Variants in HPSE2 observed in about 807,000 individuals in gnomAD.
HPSE2 encodes heparanase 2 (inactive).
A neutral mutation model predicts 60.5 loss-of-function variants in HPSE2; 38 were observed. The ratio of observed to expected loss-of-function variants is 0.63; its 90% CI spans 0.48 to 0.82. The LOEUF is 0.82. Among genes scored for constraint, HPSE2 ranks in the 40% least tolerant of loss-of-function variants. HPSE2 has a pLI of 0.00. For missense variants in HPSE2, 713 were observed against 740.4 expected (o/e 0.96, Z 0.43); for synonymous variants, 295 against 293.2 (o/e 1.01, Z -0.06).
At position 99,132,187 on chromosome 10, in the gene HPSE2, A is replaced by G. The variant is rs1316708150; in HGVS notation, c.610+12051T>C. Among the ~76,000 whole-genome samples, 235 of 24,084 alleles carry G rather than the reference A, an allele frequency of 9.8e-3. 12 individuals carry two copies. The highest frequency in any genetic ancestry group is 0.019 in the African/African-American group (183 of 9,782). The allele number at this position is 24,084 out of a possible 152,430, so 15.8% of individuals were successfully genotyped here. ...AAAGAAAGAAAGAAAGAAAGAAAGA[A>G]AGAAAGAGAGAGAGAGAGAGAGAGA... On this transcript the variant is annotated intron_variant, in intron 3 of 11. Coordinates refer to ENST00000370552, the MANE Select transcript of HPSE2 (RefSeq NM_021828.5).
chr10:99,009,117 G>A (rs557447336), intron 3 of HPSE2, among the ~76,000 whole-genome samples: 11 of 151,804 alleles, frequency 7.2e-5, no homozygotes, highest in African/African-American at 2.4e-4. Context: ...TATTAAAAGA[G>A]AACTGAGGCC....
rs1168204162 is a variant in HPSE2 at position 98,459,752 on chromosome 10, A to C, written c.1614-13T>G. The C allele has an allele frequency of 6.2e-7, 1 of 1,610,506 alleles. No individual in the cohort carries two copies. The highest frequency in any genetic ancestry group is 8.5e-7 in the Non-Finnish European group (1 of 1,178,140). On this transcript the variant is annotated splice_polypyrimidine_tract_variant and intron_variant, in intron 11 of 11. Transcript: ENST00000370552. ...CAGTTGCACTGACCTACAGTGAGGA[A>C]AAACAGTATGGGACTCATTATTGCA...
chr10:99,148,813 CAATCAATCAAT>C (rs1357138008), intron 2 of HPSE2, among the ~76,000 whole-genome samples: 20 of 151,740 alleles, frequency 1.3e-4, no homozygotes, highest in African/African-American at 4.8e-4. Context: ...ATCAATCAAT[CAATCAATCAAT>C]AAAATAGTTG....
chr10:98,594,172 T>G (rs1054952293), intron 9 of HPSE2, among the ~76,000 whole-genome samples: 1 of 152,090 alleles, frequency 6.6e-6, no homozygotes, highest in Non-Finnish European at 1.5e-5. Flanking sequence ...CACAAATATA[T>G]TCTTAGTGAT....
chr10:98,464,338 G>A (rs1348043390), intron 11 of HPSE2, among the ~76,000 whole-genome samples: 1 of 152,168 alleles, frequency 6.6e-6, no homozygotes, highest in Non-Finnish European at 1.5e-5. Context: ...GAACCCACAT[G>A]CTTGAAGAGG....
chr10:99,117,885 A>G (rs1454172438), intron 3 of HPSE2, among the ~76,000 whole-genome samples: 3 of 152,208 alleles, frequency 2.0e-5, no homozygotes, highest in African/African-American at 7.2e-5. Context: ...GATCATCCTG[A>G]TGCCAAAACA....
rs546227334 is a variant in HPSE2 at position 98,647,720 on chromosome 10, G to C, written c.1005-5780C>G. Among the ~76,000 whole-genome samples the C allele has an allele frequency of 1.3e-3, 198 of 152,340 alleles. 2 individuals are homozygous for C. Among genetic ancestry groups the C allele is most frequent in the Admixed American group, 2.9e-3 (45 of 15,300 alleles). On this transcript the variant is annotated intron_variant, in intron 6 of 11. Transcript: ENST00000370552. ...AAGGCCCTCAGCCTGGGCTCCTGCTGAGCACTTGCCATTAAGCTTTTCTTC... is the reference window on the plus strand; with the variant it reads ...AAGGCCCTCAGCCTGGGCTCCTGCTCAGCACTTGCCATTAAGCTTTTCTTC...
chr10:98,800,133 T>C (rs896787080), intron 3 of HPSE2, among the ~76,000 whole-genome samples: 2 of 151,832 alleles, frequency 1.3e-5, no homozygotes, highest in African/African-American at 4.8e-5. Context: ...TTCAGGAGGC[T>C]GTGGTGGGCA....
chr10:99,071,070 T>G (rs981391806), intron 3 of HPSE2, among the ~76,000 whole-genome samples: 1 of 129,034 alleles, frequency 7.7e-6, no homozygotes. Context: ...TTTTTAATTC[T>G]TTTTTTTTTT....
the HPSE2 span, among the ~76,000 whole-genome samples, chr10:99,305,979 GCACACACA>G: frequency 1.6e-4 from 13 of 80,578 alleles, no homozygotes; most frequent in African/African-American, 1.1e-4. Context: ...GCGCGCGCGC[GCACACACA>G]CACACACACA....
chr10:98,707,737 T>C (rs2134210286), intron 5 of HPSE2, among the ~76,000 whole-genome samples: 1 of 152,268 alleles, frequency 6.6e-6, no homozygotes, highest in South Asian at 2.1e-4. Context: ...ACCATGATCC[T>C]ACAGAGGAAA....
intron 2 of HPSE2, among the ~76,000 whole-genome samples, chr10:99,200,450 G>A (rs1470879947): frequency 6.6e-6 from 1 of 151,968 alleles, no homozygotes; most frequent in East Asian, 1.9e-4. Context: ...TAGAGATTTG[G>A]GGTCAAGTGA....
intron 3 of HPSE2, among the ~76,000 whole-genome samples, chr10:98,838,805 G>A (rs1180507636): frequency 2.6e-5 from 4 of 152,134 alleles, no homozygotes; most frequent in Admixed American, 2.0e-4. Flanking sequence ...AATGTGGGAA[G>A]TTGTCCATTT....
At position 98,630,513 on chromosome 10, in the gene HPSE2, C is replaced by T. The variant is rs372748398; in HGVS notation, c.1099-9805G>A. Among the ~76,000 whole-genome samples, 12 of 151,956 alleles carry T rather than the reference C, an allele frequency of 7.9e-5. No homozygotes were observed. In the South Asian group the frequency reaches 1.5e-3, roughly 18 times the overall value. On this transcript the variant is annotated intron_variant, in intron 7 of 11. Transcript: ENST00000370552. ...CGCCCGGCCGTAATAGTTTTTTTAC[C>T]GATTACCTTTCCCCTGCTCACTTCT...
intron 3 of HPSE2, among the ~76,000 whole-genome samples, chr10:98,960,746 T>TTTTTA (rs1955653392): frequency 7.7e-6 from 1 of 129,860 alleles, no homozygotes; most frequent in African/African-American, 2.8e-5. Flanking sequence ...TTTTATTTTT[T>TTTTTA]TTTTTATTAT....
chr10:98,796,744 A>C (rs1305827300), intron 3 of HPSE2, among the ~76,000 whole-genome samples: 1 of 152,188 alleles, frequency 6.6e-6, no homozygotes, highest in Middle Eastern at 3.2e-3. Flanking sequence ...ATAGCATCAG[A>C]TCTAAGCCAG....
At chr10:98,759,891 C>T (rs1229754166) in intron 3 of HPSE2, among the ~76,000 whole-genome samples, 1 of 152,026 alleles carries the variant, frequency 6.6e-6, no homozygotes, top group Non-Finnish European at 1.5e-5. Flanking sequence ...GTAGTAGAGA[C>T]ATTTTAACAA....
the HPSE2 span, among the ~76,000 whole-genome samples, chr10:99,257,937 C>T: frequency 1.3e-5 from 2 of 152,148 alleles, no homozygotes; most frequent in African/African-American, 2.4e-5. Flanking sequence ...AAAGAACCTA[C>T]GTGACTATCG....
At chr10:99,303,373 C>T in the HPSE2 span, among the ~76,000 whole-genome samples, 1 of 152,096 alleles carries the variant, frequency 6.6e-6, no homozygotes, top group East Asian at 1.9e-4. Context: ...ATAGAATGAG[C>T]ACCCATATTA....
Sources: allele counts gnomAD v4.1 joint callset (sites outside exome capture counted in the v4.1 genomes callset), GRCh38; gene constraint gnomAD v4.1.1; transcripts MANE v1.5; gene names NCBI Gene and HGNC (gene_info 2026-07-23, HGNC 2026-07-21).